RYR2: variants seen among roughly 807,000 people sequenced by gnomAD.
The protein encoded by RYR2 is cardiac muscle ryanodine receptor-calcium release channel.
A neutral mutation model predicts 601.1 loss-of-function variants in RYR2; 227 were observed. The ratio of observed to expected loss-of-function variants is 0.38; its 90% CI spans 0.34 to 0.42. The LOEUF (loss-of-function observed/expected upper bound fraction) is 0.42, where lower values mean the gene tolerates loss of function less well. Ranked by LOEUF, RYR2 falls within the 10% of genes least tolerant of loss-of-function variation. The probability of loss-of-function intolerance (pLI) is 1.00; values close to 1 mark genes in which losing one functional copy is unlikely to be tolerated. For missense variants in RYR2, 4,646 were observed against 6,156.5 expected (o/e 0.75, Z 8.21); for synonymous variants, 2,223 against 2,175.1 (o/e 1.02, Z -0.61).
At chr1:237,618,577 A>G (rs901748589) in intron 38 of RYR2, among the ~76,000 whole-genome samples, 1 of 152,212 alleles carries the variant, frequency 6.6e-6, no homozygotes, top group Non-Finnish European at 1.5e-5. Flanking sequence ...CAATGGGCAT[A>G]GACAAGAAAA....
chr1:237,452,313 A>C (rs140084741), intron 14 of RYR2, among the ~76,000 whole-genome samples: 9 of 146,326 alleles, frequency 6.2e-5, no homozygotes, highest in African/African-American at 2.2e-4. Flanking sequence ...ATATTAGTAT[A>C]TGTATTATAT....
At chr1:237,224,180 T>G (rs926384312) in intron 1 of RYR2, among the ~76,000 whole-genome samples, 2 of 152,112 alleles carry the variant, frequency 1.3e-5, no homozygotes, top group African/African-American at 4.8e-5. Flanking sequence ...TTGGAAACCT[T>G]TTTGGGGATT....
At chr1:237,048,549 T>C (rs908349128) in intron 1 of RYR2, among the ~76,000 whole-genome samples, 1 of 152,152 alleles carries the variant, frequency 6.6e-6, no homozygotes, top group African/African-American at 2.4e-5. Context: ...CTAATTTCTC[T>C]ACTTGGCCTT....
rs1452971967 is a variant in RYR2, at chr1:237,500,692, A to G, written c.2204-19A>G. 1 of 1,564,944 alleles carries G rather than the reference A, an allele frequency of 6.4e-7. No individual in the cohort carries two copies. ...GATAAAAAAATACATGACCTTCCTT[A>G]ATGTTTTCCCCCCAATAGGTTGTAT... On this transcript the variant is annotated intron_variant, in intron 20 of 104. Transcript: ENST00000366574.
intron 26 of RYR2, among the ~76,000 whole-genome samples, chr1:237,549,973 C>T (rs1222024155): frequency 1.3e-5 from 2 of 152,130 alleles, no homozygotes; most frequent in African/African-American, 4.8e-5. Flanking sequence ...TGGAGCCTCT[C>T]GTACAATAGA....
chr1:237,271,206 T>C (rs1413757223), intron 2 of RYR2, among the ~76,000 whole-genome samples: 1 of 152,166 alleles, frequency 6.6e-6, no homozygotes, highest in Non-Finnish European at 1.5e-5. Context: ...AGTAGTCAGA[T>C]ACTGTAAATT....
intron 24 of RYR2, among the ~76,000 whole-genome samples, chr1:237,518,225 T>G (rs1666748659): frequency 6.6e-6 from 1 of 151,982 alleles, no homozygotes; most frequent in African/African-American, 2.4e-5. Flanking sequence ...CCAATTGAAA[T>G]ACACCCTAGA....
intron 23 of RYR2, among the ~76,000 whole-genome samples, chr1:237,510,756 T>G (rs1377004876): frequency 6.6e-6 from 1 of 152,248 alleles, no homozygotes; most frequent in Non-Finnish European, 1.5e-5. Context: ...TTAATGCCGA[T>G]GCGATTTAGG....
chr1:237,102,288 G>T (rs918045452), intron 1 of RYR2, among the ~76,000 whole-genome samples: 1 of 152,156 alleles, frequency 6.6e-6, no homozygotes, highest in Non-Finnish European at 1.5e-5. Context: ...TACAGGCGAG[G>T]TGCTGGTGAG....
At position 237,684,063 on chromosome 1, in the gene RYR2, G is replaced by A. The variant is rs567362443; in HGVS notation, c.9018-3392G>A. On this transcript the variant is annotated intron_variant, in intron 62 of 104. Coordinates refer to ENST00000366574, the MANE Select transcript of RYR2 (RefSeq NM_001035.3). ...CTGCCTCAGCCTCCTGAGTAGCTGG[G>A]ATTACAGGCACCCACCACCATGCCC... Among the ~76,000 whole-genome samples the A allele has an allele frequency of 2.5e-3, 377 of 151,910 alleles. 1 individual carries two copies. The highest frequency in any genetic ancestry group is 2.9e-3 in the Non-Finnish European group (197 of 67,956).
At chr1:237,057,658 G>C (rs1167417316) in intron 1 of RYR2, among the ~76,000 whole-genome samples, 1 of 152,150 alleles carries the variant, frequency 6.6e-6, no homozygotes, top group Non-Finnish European at 1.5e-5. Context: ...GAGCTTGAAA[G>C]GGGAGGAAGG....
chr1:237,063,510 G>A (rs867053964), intron 1 of RYR2, among the ~76,000 whole-genome samples: 6 of 151,878 alleles, frequency 4.0e-5, no homozygotes, highest in South Asian at 4.2e-4. Flanking sequence ...CTGGAAATGC[G>A]AGTCTGTTTA....
chr1:237,266,088 T>C (rs1228039697), intron 1 of RYR2, among the ~76,000 whole-genome samples: 6 of 152,184 alleles, frequency 3.9e-5, no homozygotes, highest in Non-Finnish European at 8.8e-5. Context: ...ATGATGGTCA[T>C]CATGTGCATT....
At chr1:237,233,573 T>A (rs1239741430) in intron 1 of RYR2, among the ~76,000 whole-genome samples, 1 of 152,216 alleles carries the variant, frequency 6.6e-6, no homozygotes, top group Non-Finnish European at 1.5e-5. Context: ...TACTCCATTT[T>A]TGTGCATGTT....
chr1:237,580,703 T>C (rs1673815359), intron 29 of RYR2, among the ~76,000 whole-genome samples: 1 of 152,156 alleles, frequency 6.6e-6, no homozygotes, highest in Admixed American at 6.5e-5. Flanking sequence ...TGGCTGTATT[T>C]AGAGATGGGG....
chr1:237,539,249 T>C (rs1368294639), intron 25 of RYR2, among the ~76,000 whole-genome samples: 1 of 152,260 alleles, frequency 6.6e-6, no homozygotes, highest in African/African-American at 2.4e-5. Context: ...TCACTTCCCC[T>C]TGCTGAAAGC....
chr1:237,795,854 A>G (rs1368700683), intron 96 of RYR2, among the ~76,000 whole-genome samples: 1,348 of 124,934 alleles, frequency 0.011, 27 homozygotes, highest in African/African-American at 0.044. Flanking sequence ...ATATATGTAT[A>G]TGTATATATA....
chr1:237,759,982 A>T, intron 83 of RYR2, 130 bp downstream of exon 83: 1 of 669,504 alleles, frequency 1.5e-6, no homozygotes, highest in South Asian at 1.8e-5. Flanking sequence ...AAGTGGGATA[A>T]TCGGCAGTGT....
chr1:237,160,370 T>C (rs899986719), intron 1 of RYR2, among the ~76,000 whole-genome samples: 2 of 152,186 alleles, frequency 1.3e-5, no homozygotes, highest in African/African-American at 4.8e-5. Flanking sequence ...CCTTATTTCT[T>C]TAGTATTGCT....
Sources: allele counts gnomAD v4.1 joint callset (sites outside exome capture counted in the v4.1 genomes callset), GRCh38; gene constraint gnomAD v4.1.1; transcripts MANE v1.5; gene names NCBI Gene and HGNC (gene_info 2026-07-23, HGNC 2026-07-21).